Variants in UCKL1 observed in about 807,000 individuals in gnomAD.
UCKL1 encodes uridine-cytidine kinase-like 1.
A neutral mutation model predicts 59.2 loss-of-function variants in UCKL1; 65 were observed. That is an observed-to-expected ratio of 1.10 (90% CI 0.90 to 1.35). The LOEUF (loss-of-function observed/expected upper bound fraction) is 1.35. Among genes scored for constraint, UCKL1 ranks in the 40% most tolerant of loss-of-function variants. The pLI is 0.00. For missense variants in UCKL1, 703 were observed against 784.3 expected, an observed-to-expected ratio of 0.90 and a Z score of 1.24; for synonymous variants, 410 against 323.1, an observed-to-expected ratio of 1.27 and a Z score of -2.88.
chr20:63,939,956 C>A lies in UCKL1; in HGVS notation c.*20G>T, dbSNP rs368185853. The A allele has an allele frequency of 6.2e-7, 1 of 1,610,350 alleles. No homozygotes were observed. Among genetic ancestry groups the A allele is most frequent in the African/African-American group, 1.3e-5 (1 of 74,936 alleles). On this transcript the variant is annotated 3_prime_UTR_variant, in exon 15 of 15. Transcript: ENST00000354216. ...GGAGGCAGGAGGAGGGTGGTGGGGA[C>A]GGGATGGCTCACTGGGCAGCTAACC...
chr20:63,942,020 G>T (rs2054665740), intron 8 of UCKL1, among the ~76,000 whole-genome samples: 1 of 100,254 alleles, frequency 1.0e-5, no homozygotes, highest in African/African-American at 4.1e-5. Flanking sequence ...GGCCGGGAAT[G>T]GGGTGTGGCA....
chr20:63,942,567 AAAGAG>A (rs2054883674), intron 8 of UCKL1: 1 of 965,462 alleles, frequency 1.0e-6, no homozygotes, highest in Non-Finnish European at 1.4e-6. Context: ...GGAAGAGAAC[AAAGAG>A]AAGGCTGCTT....
At chr20:63,941,386 A>G (rs1390176844) in intron 8 of UCKL1, 178 bp from the exon 9 acceptor site, 1 of 960,216 alleles carries the variant, frequency 1.0e-6, no homozygotes, top group Admixed American at 2.8e-5. Flanking sequence ...GCCCTACCTG[A>G]GCTGTCAGGC....
At chr20:63,950,812 T>TG (rs1272557281) in intron 1 of UCKL1, 3 of 1,538,772 alleles carry the variant, frequency 1.9e-6, no homozygotes, top group Non-Finnish European at 2.6e-6. Flanking sequence ...CAGGGTAAGC[T>TG]GGGGGGCTGC....
intron 7 of UCKL1, among the ~76,000 whole-genome samples, 193 bp from the exon 8 acceptor site, chr20:63,943,862 G>A (rs2055380055): frequency 6.6e-6 from 1 of 152,192 alleles, no homozygotes; most frequent in Non-Finnish European, 1.5e-5. Context: ...CTGCGTTGGG[G>A]CAATCAGAGC....
At chr20:63,956,121 G>T in intron 1 of UCKL1, 139 bp downstream of exon 1, 1 of 826,526 alleles carries the variant, frequency 1.2e-6, no homozygotes, top group Non-Finnish European at 1.7e-6. Context: ...CCCGGCACGT[G>T]GGAGAACGGG....
In UCKL1 at chr20:63,956,407, C is replaced by T. The variant is rs202175509; in HGVS notation, c.-35G>A. Reference sequence around the variant, plus strand: ...AGGCCTCTTTGCGGGCCTGGCCGGGCGGCGCGCATGGGCCGCCGGGAGCTG... The same window carrying T: ...AGGCCTCTTTGCGGGCCTGGCCGGGTGGCGCGCATGGGCCGCCGGGAGCTG... On this transcript the variant is annotated 5_prime_UTR_variant, in exon 1 of 15. Coordinates refer to ENST00000354216, the MANE Select transcript of UCKL1 (RefSeq NM_017859.4). 7.3e-7 allele frequency: 1 copy of T among 1,368,292 alleles called. No homozygotes were observed. 84.8% of individuals were successfully genotyped at this position (1,368,292 alleles called of 1,614,324 possible).
At chr20:63,944,858 C>A (rs1240154543) in intron 5 of UCKL1, 124 bp from the exon 6 acceptor site, 1 of 1,253,788 alleles carries the variant, frequency 8.0e-7, no homozygotes, top group Non-Finnish European at 1.1e-6. Context: ...CCCCAGGGCA[C>A]CCTGGCAGGT....
Position 63,940,857 on chromosome 20 carries a change from C to G in UCKL1, c.1117-1G>C. Reference sequence around the variant, plus strand: ...CCTGCGGGGTCTGTACGACGCAGTCCTGTGGGGTGCAGGGTGAGGACTCCG... The same window carrying G: ...CCTGCGGGGTCTGTACGACGCAGTCGTGTGGGGTGCAGGGTGAGGACTCCG... On this transcript the variant is annotated splice_acceptor_variant, in intron 10 of 14. Coordinates refer to ENST00000354216, the MANE Select transcript of UCKL1 (RefSeq NM_017859.4). LOFTEE classifies it high-confidence loss of function. 3 of 1,539,298 alleles carry G rather than the reference C, an allele frequency of 1.9e-6. No homozygotes were observed. Among genetic ancestry groups the G allele is most frequent in the Non-Finnish European group, 2.6e-6 (3 of 1,142,224 alleles).
chr20:63,952,215 C>A (rs1397493375), intron 1 of UCKL1, among the ~76,000 whole-genome samples: 5 of 152,226 alleles, frequency 3.3e-5, no homozygotes, highest in African/African-American at 9.6e-5. Flanking sequence ...AGAGTCCGGG[C>A]TCCTGGGGGC....
intron 5 of UCKL1, among the ~76,000 whole-genome samples, chr20:63,945,241 C>A (rs1049109416): frequency 6.6e-6 from 1 of 152,174 alleles, no homozygotes; most frequent in Non-Finnish European, 1.5e-5. Flanking sequence ...TGGGCCTGTA[C>A]AAGGGGCAGG....
intron 1 of UCKL1, among the ~76,000 whole-genome samples, chr20:63,949,353 C>T (rs112292449): frequency 0.048 from 7,316 of 152,266 alleles, 242 homozygotes; most frequent in Non-Finnish European, 0.076. Context: ...GGCACTTCCC[C>T]GAGACCGCAT....
intron 1 of UCKL1, among the ~76,000 whole-genome samples, chr20:63,946,985 G>C (rs538339794): frequency 6.6e-6 from 1 of 152,082 alleles, no homozygotes; most frequent in South Asian, 2.1e-4. Flanking sequence ...TAGGGAGGCT[G>C]AGGCAGGAGA....
intron 9 of UCKL1, 32 bp downstream of exon 9, chr20:63,941,078 C>A: frequency 6.3e-7 from 1 of 1,598,640 alleles, no homozygotes; most frequent in Non-Finnish European, 8.5e-7. Context: ...AGCACGCGCC[C>A]GGGGCCGCCC....
intron 1 of UCKL1, among the ~76,000 whole-genome samples, chr20:63,953,028 T>C (rs368502439): frequency 1.3e-5 from 2 of 151,836 alleles, no homozygotes; most frequent in South Asian, 2.1e-4. Context: ...GGCGGGCGGA[T>C]CACCCAAGGT....
intron 8 of UCKL1, chr20:63,942,463 T>G (rs2054850182): frequency 8.5e-7 from 1 of 1,176,652 alleles, no homozygotes; most frequent in Non-Finnish European, 1.1e-6. Flanking sequence ...CGGAGCACAC[T>G]GCTCACATAT....
chr20:63,947,042 C>G (rs1048180429), intron 1 of UCKL1, among the ~76,000 whole-genome samples: 4 of 151,908 alleles, frequency 2.6e-5, no homozygotes, highest in African/African-American at 9.7e-5. Context: ...TATCGTGCCA[C>G]TGCACTCCAG....
rs531494224 is a variant in UCKL1, at chr20:63,946,922, T to TA, written c.114-280dup. Among the ~76,000 whole-genome samples, 146 of 146,152 alleles carry TA rather than the reference T, an allele frequency of 1.0e-3. 2 individuals carry two copies. Among genetic ancestry groups the TA allele is most frequent in the South Asian group, 5.4e-3 (25 of 4,620 alleles). On this transcript the variant is annotated intron_variant, in intron 1 of 14. Transcript: ENST00000354216. Reference sequence around the variant, plus strand: ...GTGAAGACCCGTCTCTACTAAAAATTAAAAAAAAAAAATTACCTGGGTGCG... The same window carrying TA: ...GTGAAGACCCGTCTCTACTAAAAATTAAAAAAAAAAAAATTACCTGGGTGCG...
chr20:63,940,443 C>T lies in UCKL1; in HGVS notation c.1345G>A (p.Val449Met). The T allele has an allele frequency of 6.2e-7, 1 of 1,612,340 alleles. No homozygotes were observed. The highest frequency in any genetic ancestry group is 1.1e-5 in the South Asian group (1 of 91,074). ...RLPKDISDDH[V>M]ILMDCTVSTG... is the part of the protein sequence containing the mutation. ...GACACGGTGCAGTCCATGAGGATCA[C>T]GTGGTCATCGCTGATGTCCTTGGGC... is the stretch of plus-strand genomic sequence containing the variant. Residue 449 changes from valine (V) to methionine (M), a missense_variant, in exon 13 of 15, where the codon GTG becomes ATG. Around this residue, in one of 4 missense-constraint regions of UCKL1, gnomAD observed 124 missense variants for 161.1 expected, o/e 0.77. Coordinates refer to ENST00000354216, the MANE Select transcript of UCKL1 (RefSeq NM_017859.4).
Sources: allele counts gnomAD v4.1 joint callset (sites outside exome capture counted in the v4.1 genomes callset), GRCh38; gene constraint gnomAD v4.1.1; regional missense constraint gnomAD v4.1.1; transcripts MANE v1.5; gene names NCBI Gene and HGNC (gene_info 2026-07-23, HGNC 2026-07-21).